Variants in SASH3 observed in about 807,000 individuals in gnomAD.
The protein encoded by SASH3 is SAM and SH3 domain containing 3.
In SASH3, 7 loss-of-function variants were observed where a neutral mutation model predicts 26.1. The ratio of observed to expected loss-of-function variants is 0.27; its 90% confidence interval spans 0.15 to 0.50. The LOEUF is 0.50. Among genes scored for constraint, SASH3 ranks in the 20% least tolerant of loss-of-function variants. The pLI is 0.98. For missense variants in SASH3, 231 were observed against 318.3 expected, an observed-to-expected ratio of 0.73 and a Z score of 2.09; for synonymous variants, 138 against 136.8, an observed-to-expected ratio of 1.01 and a Z score of -0.06.
chrX:129,780,286 G>C, intron 1 of SASH3, 132 bp downstream of exon 1: 1 of 543,203 alleles, frequency 1.8e-6, no homozygotes, highest in Non-Finnish European at 3.1e-6. Context: ...TCACCTAGAA[G>C]GCAACGGGAC....
chrX:129,788,058 T>C lies in SASH3; in HGVS notation c.141T>C (p.Asn47=), dbSNP rs1392600205. 8.4e-7 allele frequency: 1 copy of C among 1,196,175 alleles called. No homozygotes were observed. Among genetic ancestry groups the C allele is most frequent in the Admixed American group, 2.2e-5 (1 of 45,199 alleles). The stretch of plus-strand genomic sequence containing the variant: ...CCGTGGTGAGCGAGAAGGAGTTTAA[T>C]CTGGATGATAACGTGAGTTTCAGGG... The part of the protein sequence containing the change: ...SSPVVSEKEF[N]LDDNIPEDDS... Residue 47 remains asparagine (N), a synonymous_variant, in exon 2 of 8, where the codon AAT becomes AAC. Transcript: ENST00000356892.
chrX:129,781,840 A>T (rs1927022417), intron 1 of SASH3, among the ~76,000 whole-genome samples: 1 of 112,134 alleles, frequency 8.9e-6, no homozygotes, highest in Non-Finnish European at 1.9e-5. Context: ...GCCAGCCTCC[A>T]GAGCTGGGAT....
chrX:129,781,073 A>T (rs1277096091), intron 1 of SASH3, among the ~76,000 whole-genome samples: 1 of 112,343 alleles, frequency 8.9e-6, no homozygotes, highest in Non-Finnish European at 1.9e-5. Context: ...ATTCTCCCAG[A>T]CAATCAGCAA....
At position 129,779,961 on chromosome X, in the gene SASH3, C is replaced by A; in HGVS notation, c.-137C>A. 1.8e-6 allele frequency: 1 copy of A among 550,387 alleles called. No homozygotes were observed. 45.4% of individuals were successfully genotyped at this position (550,387 alleles called of 1,213,427 possible). A position where few individuals can be genotyped will look rare whatever the true frequency, so the allele number is the denominator to read the frequency against. On this transcript the variant is annotated 5_prime_UTR_variant, in exon 1 of 8. Transcript: ENST00000356892. ...GTCCATGGCCCGCACCCCCAAGCTG[C>A]CACTGCAGCAGTCAGAGTGGCAGCT... is the stretch of plus-strand genomic sequence containing the variant.
At chrX:129,791,239 C>A (rs976760868) in intron 4 of SASH3, among the ~76,000 whole-genome samples, 158 bp downstream of exon 4, 2 of 112,361 alleles carry the variant, frequency 1.8e-5, no homozygotes, top group African/African-American at 6.5e-5. Flanking sequence ...TAAATCTTCT[C>A]AACAACCTCA....
chrX:129,792,891 G>C lies in SASH3; in HGVS notation c.801+55G>C, dbSNP rs1056648036. On this transcript the variant is annotated intron_variant, in intron 6 of 7. Coordinates refer to ENST00000356892, the MANE Select transcript of SASH3 (RefSeq NM_018990.4). ...TATCAGGGAGGCACAACTGCCCCAG[G>C]GATGGGGACCAGGAAATGACAGCTA... 3 of 1,181,008 alleles carry C rather than the reference G, an allele frequency of 2.5e-6. No individual in the cohort carries two copies. In the African/African-American group the frequency reaches 5.3e-5, roughly 21 times the overall value.
chrX:129,789,300 C>A (rs1055588847), intron 3 of SASH3, among the ~76,000 whole-genome samples: 2 of 109,795 alleles, frequency 1.8e-5, no homozygotes, highest in South Asian at 7.9e-4. Flanking sequence ...GGAACTTCCC[C>A]GGGATTGGGA....
chrX:129,791,310 GTGACTTGCCCAAGA>G (rs1451239225), intron 4 of SASH3, among the ~76,000 whole-genome samples: 2 of 112,337 alleles, frequency 1.8e-5, no homozygotes, highest in Admixed American at 1.9e-4. Context: ...GGGAGGTTAA[GTGACTTGCCCAAGA>G]TGACCCAGTC....
chrX:129,794,765 A>C lies in SASH3; in HGVS notation c.*933A>C, dbSNP rs1927304726. The stretch of plus-strand genomic sequence containing the variant: ...TCACAAGGCTGATTACAGATGGTCA[A>C]ACCTGGCTTCCAAGGACAGAATTGC... On this transcript the variant is annotated 3_prime_UTR_variant, in exon 8 of 8. Coordinates refer to ENST00000356892, the MANE Select transcript of SASH3 (RefSeq NM_018990.4). 9.0e-6 allele frequency: 1 copy of C among 111,623 alleles called. No homozygotes were observed. Among genetic ancestry groups the C allele is most frequent in the Non-Finnish European group, 1.9e-5 (1 of 53,094 alleles). The allele number at this position is 111,623 out of a possible 1,213,427, so 9.2% of individuals were successfully genotyped here.
At chrX:129,784,151 G>C (rs1469405715) in intron 1 of SASH3, among the ~76,000 whole-genome samples, 1 of 110,381 alleles carries the variant, frequency 9.1e-6, no homozygotes, top group Non-Finnish European at 1.9e-5. Context: ...GGTGAGCTCT[G>C]CCAGGCTTTG....
intron 2 of SASH3, 67 bp downstream of exon 2, chrX:129,788,137 G>GGGCCCGGC: frequency 2.8e-6 from 1 of 354,271 alleles, no homozygotes; most frequent in Non-Finnish European, 5.4e-6. Context: ...GGGTGGGAGG[G>GGGCCCGGC]AAGAGGGTGA....
chrX:129,790,896 C>T (rs1354931588), intron 3 of SASH3, 44 bp from the exon 4 acceptor site: 2 of 1,195,614 alleles, frequency 1.7e-6, no homozygotes, highest in South Asian at 1.8e-5. Flanking sequence ...TTCATGCACA[C>T]CCCAGCAAGG....
chrX:129,790,337 G>A (rs138595827), intron 3 of SASH3, among the ~76,000 whole-genome samples: 71 of 110,453 alleles, frequency 6.4e-4, no homozygotes, highest in African/African-American at 2.3e-3. Flanking sequence ...AGGGCCAGCT[G>A]TTAAACAGTT....
chrX:129,790,759 G>A (rs1381410630), intron 3 of SASH3, among the ~76,000 whole-genome samples, 181 bp from the exon 4 acceptor site: 1 of 111,300 alleles, frequency 9.0e-6, no homozygotes, highest in Non-Finnish European at 1.9e-5. Context: ...GGCAAGGACT[G>A]TCACTCTCAT....
At position 129,793,009 on chromosome X, in the gene SASH3, G is replaced by A. The variant is rs201006876; in HGVS notation, c.822G>A (p.Leu274=). The change falls in exon 7 of 8, where the codon CTG becomes CTA. Residue 274 remains leucine (L), a synonymous_variant. Coordinates refer to ENST00000356892, the MANE Select transcript of SASH3 (RefSeq NM_018990.4). The part of the protein sequence containing the change: ...IGLEEHTSTL[L]LNGYQTLEDF... ...TACAGGAGCACACATCCACCCTCCTGCTCAATGGCTACCAGACACTGGAAG... is the reference window on the plus strand; with the variant it reads ...TACAGGAGCACACATCCACCCTCCTACTCAATGGCTACCAGACACTGGAAG... 13 of 1,209,743 alleles carry A rather than the reference G, an allele frequency of 1.1e-5. 1 individual carries two copies. The African/African-American group carries it at 1.9e-4, about 18-fold the overall frequency.
In SASH3 at chrX:129,794,053, C is replaced by T. The variant is rs1569313964; in HGVS notation, c.*221C>T. The T allele has an allele frequency of 5.1e-6, 2 of 390,560 alleles. No homozygotes were observed. The highest frequency in any genetic ancestry group is 7.0e-4 in the Middle Eastern group (1 of 1,435). The allele number at this position is 390,560 out of a possible 1,213,427, so 32.2% of individuals were successfully genotyped here. On this transcript the variant is annotated 3_prime_UTR_variant, in exon 8 of 8. Coordinates refer to ENST00000356892, the MANE Select transcript of SASH3 (RefSeq NM_018990.4). The stretch of plus-strand genomic sequence containing the variant: ...CAAGGGCACATCCCACCTGCCTGAG[C>T]CCCGCCCTCCACCAGCGACTGACAG...
Position 129,793,875 on chromosome X carries a change from G to A in SASH3, c.*43G>A. ...GCCAAGGCTGGGACCCAGCTGCAAA[G>A]GCTGTAGGAGTGGGCCCAGCCTCCC... On this transcript the variant is annotated 3_prime_UTR_variant, in exon 8 of 8. Coordinates refer to ENST00000356892, the MANE Select transcript of SASH3 (RefSeq NM_018990.4). 1 of 1,109,856 alleles carries A rather than the reference G, an allele frequency of 9.0e-7. No individual in the cohort carries two copies. The highest frequency in any genetic ancestry group is 1.2e-6 in the Non-Finnish European group (1 of 825,643). 91.5% of individuals were successfully genotyped at this position (1,109,856 alleles called of 1,213,427 possible).
chrX:129,790,265 A>T (rs1222447488), intron 3 of SASH3, among the ~76,000 whole-genome samples: 1 of 110,841 alleles, frequency 9.0e-6, no homozygotes, highest in Non-Finnish European at 1.9e-5. Flanking sequence ...GTGATGTCAA[A>T]ATGGTAGCTT....
intron 1 of SASH3, among the ~76,000 whole-genome samples, chrX:129,781,673 A>G (rs1927019625): frequency 1.8e-5 from 2 of 112,751 alleles, no homozygotes; most frequent in African/African-American, 6.4e-5. Context: ...CACAGAAGCC[A>G]GAAGTCCCCT....
Sources: gnomAD v4.1 joint callset for allele counts (sites outside exome capture counted in the v4.1 genomes callset) on GRCh38, gnomAD v4.1.1 for gene constraint, MANE v1.5 for transcripts, NCBI Gene and HGNC (gene_info 2026-07-23, HGNC 2026-07-21) for gene names.